The following PIK3C2G variants were observed in gnomAD, a reference collection of about 807,000 sequenced individuals.
PIK3C2G encodes phosphatidylinositol-4-phosphate 3-kinase catalytic subunit type 2 gamma.
In PIK3C2G, 168 loss-of-function variants were observed where a neutral mutation model predicts 181.1. The ratio of observed to expected loss-of-function variants is 0.93; its 90% CI spans 0.82 to 1.05. The LOEUF (loss-of-function observed/expected upper bound fraction) is 1.05, where lower values mean the gene tolerates loss of function less well. PIK3C2G is among the 50% of genes least tolerant of loss of function. The probability of loss-of-function intolerance (pLI) is 0.00; values close to 1 mark genes in which losing one functional copy is unlikely to be tolerated. For missense variants in PIK3C2G, 1,869 were observed against 1,732.8 expected, an observed-to-expected ratio of 1.08 and a Z score of -1.40; for synonymous variants, 573 against 592.2, an observed-to-expected ratio of 0.97 and a Z score of 0.47.
the PIK3C2G span, chr12:18,719,524 T>C: frequency 6.3e-7 from 1 of 1,586,748 alleles, no homozygotes; most frequent in Non-Finnish European, 8.6e-7. Flanking sequence ...ATTTAATGGA[T>C]GAGTCATATC....
intron 18 of PIK3C2G, among the ~76,000 whole-genome samples, chr12:18,454,994 A>G (rs935807511): frequency 6.6e-6 from 1 of 152,146 alleles, no homozygotes; most frequent in African/African-American, 2.4e-5. Flanking sequence ...CAAGGTGTCA[A>G]CCTGGGATCT....
intron 29 of PIK3C2G, among the ~76,000 whole-genome samples, chr12:18,571,779 G>GT (rs1222625804): frequency 6.7e-6 from 1 of 150,294 alleles, no homozygotes; most frequent in Non-Finnish European, 1.5e-5. Flanking sequence ...ACACAGATGG[G>GT]TTTTTTTCTA....
chr12:18,592,706 G>T (rs961857994), intron 29 of PIK3C2G, among the ~76,000 whole-genome samples: 57 of 152,030 alleles, frequency 3.7e-4, no homozygotes, highest in African/African-American at 1.2e-3. Context: ...TATATTTTGG[G>T]TGGTTTGACT....
chr12:18,486,366 G>C (rs1163759809), intron 18 of PIK3C2G, among the ~76,000 whole-genome samples: 1 of 151,954 alleles, frequency 6.6e-6, no homozygotes, highest in Non-Finnish European at 1.5e-5. Flanking sequence ...GTTTTATTTT[G>C]AGCAAGGAAT....
chr12:18,387,460 A>G (rs1240008209), intron 14 of PIK3C2G, among the ~76,000 whole-genome samples: 1 of 152,156 alleles, frequency 6.6e-6, no homozygotes, highest in Non-Finnish European at 1.5e-5. Flanking sequence ...CGTTTCTGAC[A>G]TGCACTGTCT....
chr12:18,514,805 T>A (rs886119645), intron 24 of PIK3C2G, among the ~76,000 whole-genome samples: 1 of 151,994 alleles, frequency 6.6e-6, no homozygotes, highest in Non-Finnish European at 1.5e-5. Context: ...AAAGTGGGCA[T>A]CCTTGTCTTC....
chr12:18,319,294 TTCAC>T (rs1951003975), intron 6 of PIK3C2G, among the ~76,000 whole-genome samples: 2 of 152,142 alleles, frequency 1.3e-5, no homozygotes, highest in African/African-American at 4.8e-5. Flanking sequence ...CAGGGGAACA[TTCAC>T]GAACATTTAC....
the PIK3C2G span, among the ~76,000 whole-genome samples, chr12:18,665,402 C>T: frequency 6.6e-6 from 1 of 151,872 alleles, no homozygotes; most frequent in African/African-American, 2.4e-5. Flanking sequence ...TTGTATTTCA[C>T]CACAAGAAAA....
intron 1 of PIK3C2G, among the ~76,000 whole-genome samples, chr12:18,268,865 A>G (rs1229347810): frequency 6.6e-6 from 1 of 152,116 alleles, no homozygotes; most frequent in Non-Finnish European, 1.5e-5. Flanking sequence ...CTTATCAAAT[A>G]TATCATTCAC....
intron 31 of PIK3C2G, among the ~76,000 whole-genome samples, chr12:18,626,541 C>A (rs1359238653): frequency 6.6e-6 from 1 of 151,954 alleles, no homozygotes; most frequent in African/African-American, 2.4e-5. Flanking sequence ...TATTAGCTAA[C>A]AAATTTTTCT....
At chr12:18,409,405 G>C (rs543443532) in intron 16 of PIK3C2G, among the ~76,000 whole-genome samples, 2 of 152,166 alleles carry the variant, frequency 1.3e-5, no homozygotes, top group African/African-American at 4.8e-5. Context: ...TGGGGAGTGT[G>C]GGGCTAGGGG....
At chr12:18,473,195 A>G (rs1938617179) in intron 18 of PIK3C2G, among the ~76,000 whole-genome samples, 2 of 152,136 alleles carry the variant, frequency 1.3e-5, no homozygotes, top group Non-Finnish European at 2.9e-5. Flanking sequence ...TGCTTTTACA[A>G]TGTTTTAAAG....
chr12:18,426,858 G>A (rs531541028), intron 18 of PIK3C2G, among the ~76,000 whole-genome samples: 115 of 152,290 alleles, frequency 7.6e-4, no homozygotes, highest in South Asian at 1.4e-3. Context: ...TTAAAAAGCA[G>A]AACAATTCCT....
At chr12:18,526,151 C>G (rs1274737633) in intron 24 of PIK3C2G, among the ~76,000 whole-genome samples, 4 of 152,104 alleles carry the variant, frequency 2.6e-5, no homozygotes, top group African/African-American at 4.8e-5. Context: ...AACAAAAAAA[C>G]TCCCTTAACA....
chr12:18,652,992 G>A (rs1025357077), downstream of PIK3C2G, among the ~76,000 whole-genome samples: 4 of 151,926 alleles, frequency 2.6e-5, no homozygotes, highest in Admixed American at 6.6e-5. Flanking sequence ...GAGGGAGCTG[G>A]AATCTTTGGA....
intron 16 of PIK3C2G, among the ~76,000 whole-genome samples, chr12:18,411,142 T>G (rs1279246463): frequency 6.6e-6 from 1 of 152,170 alleles, no homozygotes; most frequent in Non-Finnish European, 1.5e-5. Flanking sequence ...ATTAAATATC[T>G]TTACTGATCC....
chr12:18,299,508 C>G (rs1333601394), intron 5 of PIK3C2G, among the ~76,000 whole-genome samples: 1 of 151,876 alleles, frequency 6.6e-6, no homozygotes, highest in Non-Finnish European at 1.5e-5. Flanking sequence ...TTGACTTTCT[C>G]TTTTCCAATC....
At chr12:18,576,908 G>C (rs1252267835) in intron 29 of PIK3C2G, among the ~76,000 whole-genome samples, 1 of 152,200 alleles carries the variant, frequency 6.6e-6, no homozygotes, top group African/African-American at 2.4e-5. Flanking sequence ...TAAGGGAATG[G>C]TGGATGGATT....
At chr12:18,430,025 C>A (rs1215309534) in intron 18 of PIK3C2G, among the ~76,000 whole-genome samples, 1 of 152,170 alleles carries the variant, frequency 6.6e-6, no homozygotes, top group African/African-American at 2.4e-5. Flanking sequence ...CTTGTTAATT[C>A]CTTTCCCTTC....
Sources: gnomAD v4.1 joint callset for allele counts (sites outside exome capture counted in the v4.1 genomes callset) on GRCh38, gnomAD v4.1.1 for gene constraint, MANE v1.5 for transcripts, NCBI Gene and HGNC (gene_info 2026-07-23, HGNC 2026-07-21) for gene names.